Variants in ZMAT4 observed in about 807,000 individuals in gnomAD.
ZMAT4 encodes zinc finger matrin-type protein 4.
ZMAT4 carries 17 observed loss-of-function variants against 28.7 expected under a neutral mutation model. That is an observed-to-expected ratio of 0.59 (90% CI 0.41 to 0.89). The LOEUF (loss-of-function observed/expected upper bound fraction) is 0.89. Ranked by LOEUF, ZMAT4 falls within the 40% of genes least tolerant of loss-of-function variation. The probability of loss-of-function intolerance (pLI) is 0.00; values close to 1 mark genes in which losing one functional copy is unlikely to be tolerated. For missense variants in ZMAT4, 240 were observed against 283.8 expected, an observed-to-expected ratio of 0.85 and a Z score of 1.11; for synonymous variants, 117 against 109.2, an observed-to-expected ratio of 1.07 and a Z score of -0.44.
chr8:40,708,460 A>G (rs957968391), intron 3 of ZMAT4, among the ~76,000 whole-genome samples: 1 of 152,090 alleles, frequency 6.6e-6, no homozygotes, highest in Non-Finnish European at 1.5e-5. Context: ...AATGGAGACA[A>G]AGCAAAGGTT....
chr8:40,860,492 G>A (rs1817450603), intron 1 of ZMAT4, among the ~76,000 whole-genome samples: 1 of 152,180 alleles, frequency 6.6e-6, no homozygotes, highest in Non-Finnish European at 1.5e-5. Context: ...TTGGACAACA[G>A]CAATATTCCT....
intron 6 of ZMAT4, among the ~76,000 whole-genome samples, chr8:40,572,503 A>G (rs368094789): frequency 6.6e-6 from 1 of 152,160 alleles, no homozygotes; most frequent in Non-Finnish European, 1.5e-5. Context: ...GACAACTTTC[A>G]TATCCTTTAT....
chr8:40,746,354 C>CCTTTCCTTT (rs1812232048), intron 3 of ZMAT4, among the ~76,000 whole-genome samples: 7 of 17,458 alleles, frequency 4.0e-4, no homozygotes, highest in Admixed American at 1.6e-3. Flanking sequence ...TCCTTTCCTT[C>CCTTTCCTTT]CCTTTCTTTC....
intron 1 of ZMAT4, among the ~76,000 whole-genome samples, chr8:40,883,828 C>T (rs773344985): frequency 6.6e-6 from 1 of 152,094 alleles, no homozygotes; most frequent in Admixed American, 6.6e-5. Flanking sequence ...TTCAATCCTA[C>T]GAGAGCTACC....
intron 5 of ZMAT4, among the ~76,000 whole-genome samples, chr8:40,625,275 G>A (rs1806331093): frequency 7.1e-6 from 1 of 139,974 alleles, no homozygotes; most frequent in South Asian, 2.2e-4. Context: ...GAGCTAGATA[G>A]TGTGAGTCTT....
intron 5 of ZMAT4, among the ~76,000 whole-genome samples, chr8:40,672,778 G>A (rs1308959116): frequency 1.3e-5 from 2 of 152,138 alleles, no homozygotes; most frequent in Non-Finnish European, 2.9e-5. Context: ...CAGTAACACA[G>A]GCATTGCAGT....
At chr8:40,666,818 G>A (rs904138547) in intron 5 of ZMAT4, among the ~76,000 whole-genome samples, 3 of 151,632 alleles carry the variant, frequency 2.0e-5, no homozygotes, top group Non-Finnish European at 2.9e-5. Flanking sequence ...TCAATATATC[G>A]GAAAAAATCT....
intron 5 of ZMAT4, among the ~76,000 whole-genome samples, chr8:40,620,461 A>T (rs1184607434): frequency 6.6e-6 from 1 of 152,210 alleles, no homozygotes; most frequent in Non-Finnish European, 1.5e-5. Context: ...TATTACTTTT[A>T]TTCCTCTGTA....
In ZMAT4 at chr8:40,565,669, C is replaced by T. The variant is rs537544055; in HGVS notation, c.674+15496G>A. Among the ~76,000 whole-genome samples the T allele has an allele frequency of 3.3e-5, 5 of 151,950 alleles. No homozygotes were observed. The South Asian group carries it at 6.3e-4, about 19-fold the overall frequency. On this transcript the variant is annotated intron_variant, in intron 6 of 6. Coordinates refer to ENST00000297737, the MANE Select transcript of ZMAT4 (RefSeq NM_024645.3). ...CTGGGATTACATGTGTGAACCACCA[C>T]GCCTGGTCATTGCCACCATCTTTTT...
rs60561587 is a variant in ZMAT4 at position 40,788,768 on chromosome 8, G to GA, written c.103-21039dup. On this transcript the variant is annotated intron_variant, in intron 2 of 6. Coordinates refer to ENST00000297737, the MANE Select transcript of ZMAT4 (RefSeq NM_024645.3). ...ATATCAAAAACAAGGACATTACAAG[G>GA]AAAAAAAAAAACACAAACTGATATC... Among the ~76,000 whole-genome samples the GA allele has an allele frequency of 1.2e-3, 156 of 132,084 alleles. 1 individual carries two copies. Among genetic ancestry groups the GA allele is most frequent in the Middle Eastern group, 3.9e-3 (1 of 254 alleles). The allele number at this position is 132,084 out of a possible 152,430, so 86.7% of individuals were successfully genotyped here.
At chr8:40,869,062 C>T (rs543013061) in intron 1 of ZMAT4, among the ~76,000 whole-genome samples, 28 of 152,312 alleles carry the variant, frequency 1.8e-4, no homozygotes, top group Middle Eastern at 3.4e-3. Context: ...CTGGTTTAGA[C>T]GCTGTTCTTC....
At chr8:40,679,966 C>T (rs1809084279) in intron 4 of ZMAT4, among the ~76,000 whole-genome samples, 2 of 152,074 alleles carry the variant, frequency 1.3e-5, no homozygotes, top group Admixed American at 1.3e-4. Flanking sequence ...CAGATTGTGT[C>T]ATTTAGAGCT....
chr8:40,542,909 C>T (rs969902477), intron 6 of ZMAT4, among the ~76,000 whole-genome samples: 1 of 152,142 alleles, frequency 6.6e-6, no homozygotes, highest in Admixed American at 6.5e-5. Flanking sequence ...CAGGCCATTC[C>T]CTAAGTTCCT....
At chr8:40,685,461 T>G (rs1809360084) in intron 4 of ZMAT4, among the ~76,000 whole-genome samples, 1 of 152,166 alleles carries the variant, frequency 6.6e-6, no homozygotes, top group Non-Finnish European at 1.5e-5. Context: ...AGCAGAAGCC[T>G]ACTTAGAGCC....
intron 5 of ZMAT4, among the ~76,000 whole-genome samples, chr8:40,585,013 CA>C (rs1804620230): frequency 6.6e-6 from 1 of 152,130 alleles, no homozygotes; most frequent in Non-Finnish European, 1.5e-5. Context: ...CCCACATCTA[CA>C]ATCTGAACAA....
chr8:40,698,281 T>G (rs1809983910), intron 3 of ZMAT4, among the ~76,000 whole-genome samples: 1 of 152,158 alleles, frequency 6.6e-6, no homozygotes, highest in South Asian at 2.1e-4. Context: ...TTAATGAAAA[T>G]GAATCATAAT....
intron 2 of ZMAT4, among the ~76,000 whole-genome samples, chr8:40,802,425 A>G (rs1814889387): frequency 6.6e-6 from 1 of 152,134 alleles, no homozygotes; most frequent in Non-Finnish European, 1.5e-5. Context: ...TTTTTCTATA[A>G]CCAACAGCAA....
intron 3 of ZMAT4, among the ~76,000 whole-genome samples, chr8:40,710,528 A>G (rs1810562058): frequency 6.6e-6 from 1 of 152,140 alleles, no homozygotes; most frequent in Non-Finnish European, 1.5e-5. Flanking sequence ...CTTAAAAACA[A>G]TGACAAACTC....
chr8:40,846,821 G>A (rs1165158922), intron 1 of ZMAT4, among the ~76,000 whole-genome samples: 1 of 152,164 alleles, frequency 6.6e-6, no homozygotes, highest in Non-Finnish European at 1.5e-5. Flanking sequence ...AGTTCAGGTA[G>A]GTCATCATTT....
Sources: allele counts gnomAD v4.1 joint callset (sites outside exome capture counted in the v4.1 genomes callset), GRCh38; gene constraint gnomAD v4.1.1; transcripts MANE v1.5; gene names NCBI Gene and HGNC (gene_info 2026-07-23, HGNC 2026-07-21).